TBC1D14: variants seen among roughly 807,000 people sequenced by gnomAD.
TBC1D14 encodes the protein TBC1 domain family, member 14.
Under a neutral mutation model 79.0 loss-of-function variants are expected in TBC1D14, and 26 were observed. The observed-to-expected ratio is 0.33, with a 90% CI of 0.24 to 0.46. TBC1D14 has a LOEUF of 0.46. TBC1D14 is among the 20% of genes least tolerant of loss of function. The probability of loss-of-function intolerance (pLI) is 1.00; values close to 1 mark genes in which losing one functional copy is unlikely to be tolerated. For synonymous variants in TBC1D14, 394 were observed against 349.9 expected (o/e 1.13, Z -1.40); for missense variants, 769 against 887.6 (o/e 0.87, Z 1.70).
Position 7,030,977 on chromosome 4 carries a change from G to A in TBC1D14, c.*585G>A, listed in dbSNP as rs896614497. 6.5e-6 allele frequency: 1 copy of A among 153,376 alleles called. No homozygotes were observed. The highest frequency in any genetic ancestry group is 1.5e-5 in the Non-Finnish European group (1 of 68,852). The allele number at this position is 153,376 out of a possible 1,614,324, so 9.5% of individuals were successfully genotyped here. A position where few individuals can be genotyped will look rare whatever the true frequency, so the allele number is the denominator to read the frequency against. On this transcript the variant is annotated 3_prime_UTR_variant, in exon 14 of 14. Coordinates refer to ENST00000409757, the MANE Select transcript of TBC1D14 (RefSeq NM_020773.3). Reference sequence around the variant, plus strand: ...ACCTGGGCATCGACCCAGCCTGCAGGTGAGCTCTGGGCCATGTTGCCTTGA... The same window carrying A: ...ACCTGGGCATCGACCCAGCCTGCAGATGAGCTCTGGGCCATGTTGCCTTGA...
At chr4:7,018,511 TG>T (rs1721498931) in intron 12 of TBC1D14, among the ~76,000 whole-genome samples, 1 of 152,248 alleles carries the variant, frequency 6.6e-6, no homozygotes, top group Non-Finnish European at 1.5e-5. Context: ...GAGTCACCTC[TG>T]TGTCCCCAGT....
chr4:7,015,072 T>C (rs1424656913), intron 12 of TBC1D14, among the ~76,000 whole-genome samples: 5 of 151,174 alleles, frequency 3.3e-5, no homozygotes, highest in African/African-American at 1.2e-4. Context: ...GGGTAGAGGT[T>C]GAAAGTAAAG....
At position 7,029,646 on chromosome 4, in the gene TBC1D14, G is replaced by A. The variant is rs192095049; in HGVS notation, c.2017-681G>A. Among the ~76,000 whole-genome samples, 40 of 152,340 alleles carry A rather than the reference G, an allele frequency of 2.6e-4. No homozygotes were observed. In the East Asian group the frequency reaches 5.6e-3, roughly 21 times the overall value. On this transcript the variant is annotated intron_variant, in intron 13 of 13. Coordinates refer to ENST00000409757, the MANE Select transcript of TBC1D14 (RefSeq NM_020773.3). ...TCGAGACCATTCTGGCCAATACGGT[G>A]AAACCCTGTCTGTACTAAAAATACA...
At chr4:6,924,287 G>A (rs1348893177) in intron 2 of TBC1D14, among the ~76,000 whole-genome samples, 176 bp downstream of exon 2, 16 of 109,772 alleles carry the variant, frequency 1.5e-4, no homozygotes, top group African/African-American at 4.5e-4. Context: ...GAACTGGTCT[G>A]TTGGGGATTC....
chr4:6,924,186 T>A, intron 2 of TBC1D14, 75 bp downstream of exon 2: 8 of 1,501,848 alleles, frequency 5.3e-6, no homozygotes, highest in Non-Finnish European at 7.1e-6. Context: ...GTCTCAAATG[T>A]GTTGTGTGTT....
rs150675985 is a variant in TBC1D14, at chr4:6,938,824, C to A, written c.722+14713C>A. Among the ~76,000 whole-genome samples the A allele has an allele frequency of 2.0e-5, 3 of 152,322 alleles. No individual in the cohort carries two copies. In the East Asian group the frequency reaches 5.8e-4, roughly 29 times the overall value. On this transcript the variant is annotated intron_variant, in intron 2 of 13. Coordinates refer to ENST00000409757, the MANE Select transcript of TBC1D14 (RefSeq NM_020773.3). Reference sequence around the variant, plus strand: ...CACCACAGCTGTGCAGGGGCTGTGGCTCGGGCTGGCCTCCCAGGGGCCCAG... The same window carrying A: ...CACCACAGCTGTGCAGGGGCTGTGGATCGGGCTGGCCTCCCAGGGGCCCAG...
intron 9 of TBC1D14, among the ~76,000 whole-genome samples, chr4:7,009,179 C>G (rs1032770355): frequency 4.6e-5 from 7 of 152,150 alleles, no homozygotes; most frequent in African/African-American, 1.7e-4. Context: ...TAGACATAGA[C>G]AGTAAGTGTT....
intron 12 of TBC1D14, among the ~76,000 whole-genome samples, chr4:7,024,483 G>A (rs1035527852): frequency 1.3e-5 from 2 of 152,278 alleles, no homozygotes; most frequent in East Asian, 1.9e-4. Context: ...AGAGATTGCC[G>A]GACAGGGCAC....
At chr4:6,911,246 G>T (rs561972728) in intron 1 of TBC1D14, among the ~76,000 whole-genome samples, 1 of 152,302 alleles carries the variant, frequency 6.6e-6, no homozygotes, top group African/African-American at 2.4e-5. Flanking sequence ...GAGATCCCCA[G>T]TCCTAATGAG....
At chr4:6,926,560 C>G (rs1333583903) in intron 2 of TBC1D14, among the ~76,000 whole-genome samples, 1 of 152,170 alleles carries the variant, frequency 6.6e-6, no homozygotes, top group Non-Finnish European at 1.5e-5. Flanking sequence ...TCTGAACTAC[C>G]TTTGGGAAGA....
At chr4:6,990,100 C>A (rs1310073631) in intron 3 of TBC1D14, among the ~76,000 whole-genome samples, 1 of 152,170 alleles carries the variant, frequency 6.6e-6, no homozygotes, top group South Asian at 2.1e-4. Context: ...TTTAAAAATG[C>A]TGTTGTGACC....
chr4:6,981,941 C>T (rs74551939), intron 3 of TBC1D14, among the ~76,000 whole-genome samples: 2,703 of 152,312 alleles, frequency 0.018, 90 homozygotes, highest in African/African-American at 0.062. Flanking sequence ...TGAAGGCCTT[C>T]CCCTAACATT....
intron 1 of TBC1D14, among the ~76,000 whole-genome samples, chr4:6,917,393 G>A (rs888927727): frequency 6.6e-6 from 1 of 152,210 alleles, no homozygotes; most frequent in Admixed American, 6.5e-5. Flanking sequence ...TTCAGGTGGG[G>A]TGTAGCCAAA....
intron 1 of TBC1D14, among the ~76,000 whole-genome samples, chr4:6,922,490 C>G (rs1432897550): frequency 1.3e-5 from 2 of 152,132 alleles, no homozygotes; most frequent in Admixed American, 6.6e-5. Flanking sequence ...TCTTGCCGAG[C>G]CTTGGTTTCT....
intron 7 of TBC1D14, among the ~76,000 whole-genome samples, chr4:7,002,032 A>G (rs1211892543): frequency 6.6e-6 from 1 of 152,060 alleles, no homozygotes; most frequent in Non-Finnish European, 1.5e-5. Context: ...CTTGAGTTTA[A>G]ACATTTGATT....
At chr4:7,010,850 T>TTACTC in intron 11 of TBC1D14, 69 bp downstream of exon 11, 3 of 1,525,330 alleles carry the variant, frequency 2.0e-6, no homozygotes, top group Non-Finnish European at 2.7e-6. Context: ...TACTCGTCTG[T>TTACTC]GTTTTCGGTG....
intron 12 of TBC1D14, among the ~76,000 whole-genome samples, chr4:7,023,290 G>A (rs899641489): frequency 6.6e-6 from 1 of 152,202 alleles, no homozygotes; most frequent in Non-Finnish European, 1.5e-5. Context: ...AAACATTGTC[G>A]TCTTTCCCCA....
At chr4:6,965,257 A>C (rs1415749095) in intron 2 of TBC1D14, among the ~76,000 whole-genome samples, 1 of 152,002 alleles carries the variant, frequency 6.6e-6, no homozygotes, top group African/African-American at 2.4e-5. Context: ...TCCTGGGTTC[A>C]AGCGATTCTC....
At chr4:7,023,758 A>G (rs115743001) in intron 12 of TBC1D14, among the ~76,000 whole-genome samples, 4,788 of 152,226 alleles carry the variant, frequency 0.031, 255 homozygotes, top group African/African-American at 0.11. Context: ...TGTCAGGTGT[A>G]GTGAGATGAG....
Sources: gnomAD v4.1 joint callset for allele counts (sites outside exome capture counted in the v4.1 genomes callset) on GRCh38, gnomAD v4.1.1 for gene constraint, MANE v1.5 for transcripts, NCBI Gene and HGNC (gene_info 2026-07-23, HGNC 2026-07-21) for gene names.